Variants in GCN1 observed in about 807,000 individuals in gnomAD.
GCN1 encodes GCN1 activator of EIF2AK4, also known as stalled ribosome sensor GCN1.
Under a neutral mutation model 288.4 loss-of-function variants are expected in GCN1, and 90 were observed. The observed-to-expected ratio is 0.31, with a 90% confidence interval of 0.26 to 0.37. GCN1 has a LOEUF of 0.37. Ranked by LOEUF, GCN1 falls within the 10% of genes least tolerant of loss-of-function variation. GCN1 has a pLI of 1.00. For missense variants in GCN1, 2,586 were observed against 3,419.9 expected (o/e 0.76, Z 6.08); for synonymous variants, 1,386 against 1,420.2 (o/e 0.98, Z 0.54).
chr12:120,141,472 TG>T (rs1398199972), intron 44 of GCN1, among the ~76,000 whole-genome samples: 1 of 152,216 alleles, frequency 6.6e-6, no homozygotes, highest in African/African-American at 2.4e-5. Flanking sequence ...GATGGGGGGT[TG>T]GAAGTAGACC....
At position 120,184,169 on chromosome 12, in the gene GCN1, T is replaced by C; in HGVS notation, c.260A>G (p.Lys87Arg). The change falls in exon 4 of 58, where the codon AAG becomes AGG. Residue 87 changes from lysine to arginine, a missense_variant. Transcript: ENST00000300648. ...AGACTGCAGAGAGTGTAGAAGGTTC[T>C]TAGCAGTGGCTTCTGGCTGGGCCTC... ...LAEAQPEATA[K>R]NLLHSLQSSG... is the part of the protein sequence containing the mutation. 6.2e-7 allele frequency: 1 copy of C among 1,614,000 alleles called. No homozygotes were observed.
Position 120,137,488 on chromosome 12 carries a change from A to G in GCN1, c.6663+57T>C, listed in dbSNP as rs1473767870. 3.8e-6 allele frequency: 6 copies of G among 1,574,470 alleles called. No individual in the cohort carries two copies. The Middle Eastern group carries it at 6.7e-4, about 176-fold the overall frequency. ...GGGATTCTTATAAGTCTATTCCTGT[A>G]AATGTCTGGAATTTTCTAAAAGCAA... On this transcript the variant is annotated intron_variant, in intron 49 of 57. Transcript: ENST00000300648. This position sits in a 1 kb window ranked among gnomAD's most constrained non-coding sequence, Gnocchi z 5.2.
At position 120,156,816 on chromosome 12, in the gene GCN1, G is replaced by T; in HGVS notation, c.3168+96C>A. On this transcript the variant is annotated intron_variant, in intron 27 of 57. Coordinates refer to ENST00000300648, the MANE Select transcript of GCN1 (RefSeq NM_006836.2). The surrounding 1 kb of genome is among the most constrained non-coding windows in gnomAD (Gnocchi z 5.8). ...CTTTCTACCAAAGTCCAAAAGTAAG[G>T]GCTGAAAGGAAACTAGGACTCCACC... 2.0e-6 allele frequency: 2 copies of T among 1,004,762 alleles called. No homozygotes were observed. The highest frequency in any genetic ancestry group is 3.2e-6 in the Non-Finnish European group (2 of 631,156). 62.2% of individuals were successfully genotyped at this position (1,004,762 alleles called of 1,614,324 possible).
At position 120,155,144 on chromosome 12, in the gene GCN1, G is replaced by T; in HGVS notation, c.3630+97C>A. On this transcript the variant is annotated intron_variant, in intron 30 of 57. Coordinates refer to ENST00000300648, the MANE Select transcript of GCN1 (RefSeq NM_006836.2). This position sits in a 1 kb window ranked among gnomAD's most constrained non-coding sequence, Gnocchi z 4.9. ...AGCCGCAGCTACCCTGAGCCACCGTGAGCCCCGAGATTCCTGTCTGGAGCA... is the reference window on the plus strand; with the variant it reads ...AGCCGCAGCTACCCTGAGCCACCGTTAGCCCCGAGATTCCTGTCTGGAGCA... The T allele has an allele frequency of 6.6e-7, 1 of 1,519,122 alleles. No individual in the cohort carries two copies. Among genetic ancestry groups the T allele is most frequent in the African/African-American group, 1.4e-5 (1 of 73,126 alleles). The allele number at this position is 1,519,122 out of a possible 1,614,324, so 94.1% of individuals were successfully genotyped here. A position where few individuals can be genotyped will look rare whatever the true frequency, so the allele number is the denominator to read the frequency against.
chr12:120,128,010 G>T (rs769432022), intron 57 of GCN1, 36 bp from the exon 58 acceptor site: 4 of 1,606,548 alleles, frequency 2.5e-6, no homozygotes, highest in Admixed American at 3.3e-5. Context: ...AACATAGTCA[G>T]AACATACGGC....
intron 15 of GCN1, among the ~76,000 whole-genome samples, 198 bp downstream of exon 15, chr12:120,169,971 G>A (rs1339421416): frequency 5.9e-5 from 9 of 152,152 alleles, no homozygotes; most frequent in African/African-American, 1.2e-4. Context: ...ACAGAATGAA[G>A]GAGGACAGTG....
intron 45 of GCN1, among the ~76,000 whole-genome samples, chr12:120,139,180 C>A (rs2139088787): frequency 6.6e-6 from 1 of 152,030 alleles, no homozygotes; most frequent in East Asian, 1.9e-4. Flanking sequence ...TGTGGTGGTG[C>A]ACACCTGTAA....
rs368315746 is a variant in GCN1 at position 120,178,868 on chromosome 12, G to A, written c.509C>T (p.Thr170Met). Residue 170 changes from threonine (T) to methionine (M), a missense_variant, in exon 6 of 58, where the codon ACG (threonine) becomes ATG (methionine). Physicochemically the swap from Thr to Met is moderately conservative, Grantham distance 81 (BLOSUM62 -1). Transcript: ENST00000300648. The stretch of plus-strand genomic sequence containing the variant: ...TCCTGTCACCTCTTTCCACAGCTTC[G>A]TGAGTTTCTTCACAGCACCATCCAC... ...HAVDGAVKKL[T>M]KLWKENPGLV... The A allele has an allele frequency of 3.5e-5, 57 of 1,613,974 alleles. No homozygotes were observed. Among genetic ancestry groups the A allele is most frequent in the Middle Eastern group, 1.6e-4 (1 of 6,084 alleles).
intron 53 of GCN1, among the ~76,000 whole-genome samples, chr12:120,133,962 C>T (rs1594258532): frequency 6.6e-6 from 1 of 152,094 alleles, no homozygotes; most frequent in African/African-American, 2.4e-5. Flanking sequence ...CCCAGCTACT[C>T]GGGAGACCGA....
In GCN1 at chr12:120,158,364, C is replaced by G. The variant is rs908022488; in HGVS notation, c.2905+96G>C. ...AAATCCTCCATATGGTCCAATCCCC[C>G]AGGCTCAGGAGGCCCTGGGTGACGC... On this transcript the variant is annotated intron_variant, in intron 25 of 57. Transcript: ENST00000300648. This position sits in a 1 kb window ranked among gnomAD's most constrained non-coding sequence, Gnocchi z 4.3. The G allele has an allele frequency of 1.1e-5, 12 of 1,062,684 alleles. No homozygotes were observed. The East Asian group carries it at 3.1e-4, about 28-fold the overall frequency. The allele number at this position is 1,062,684 out of a possible 1,614,324, so 65.8% of individuals were successfully genotyped here.
intron 57 of GCN1, among the ~76,000 whole-genome samples, chr12:120,128,431 G>A (rs1184418363): frequency 6.6e-6 from 1 of 152,012 alleles, no homozygotes; most frequent in Non-Finnish European, 1.5e-5. Flanking sequence ...CGCCTCCCAG[G>A]TTCAAGCGAT....
In GCN1 at chr12:120,148,315, G is replaced by A; in HGVS notation, c.4578C>T (p.Tyr1526=). ...AGGATGACAGCTGCTTAGGAGCACA[G>A]TACGCCATTGCCCCAAGAAGCTCCA... ...GSVELLGAMA[Y]CAPKQLSSCL... The change falls in exon 37 of 58, where the codon TAC becomes TAT. Residue 1526 remains tyrosine (Y), a synonymous_variant. Coordinates refer to ENST00000300648, the MANE Select transcript of GCN1 (RefSeq NM_006836.2). 2 of 1,613,960 alleles carry A rather than the reference G, an allele frequency of 1.2e-6. No individual in the cohort carries two copies. The highest frequency in any genetic ancestry group is 1.7e-6 in the Non-Finnish European group (2 of 1,179,904).
intron 33 of GCN1, 147 bp from the exon 34 acceptor site, chr12:120,151,538 A>C (rs1027662346): frequency 1.4e-6 from 1 of 725,188 alleles, no homozygotes; most frequent in Non-Finnish European, 2.3e-6. Flanking sequence ...AGGGCACCAG[A>C]GAAGCAAACA....
rs753281233 is a variant in GCN1 at position 120,142,567 on chromosome 12, T to C, written c.5769A>G (p.Leu1923=). 167 of 1,613,840 alleles carry C rather than the reference T, an allele frequency of 1.0e-4. No individual in the cohort carries two copies. The highest frequency in any genetic ancestry group is 1.6e-4 in the Middle Eastern group (1 of 6,084). Residue 1923 remains leucine, a synonymous_variant, in exon 44 of 58, where the codon CTA becomes CTG. Coordinates refer to ENST00000300648, the MANE Select transcript of GCN1 (RefSeq NM_006836.2). This position sits in a 1 kb window ranked among gnomAD's most constrained non-coding sequence, Gnocchi z 4.9. ...SNTPRTLREI[L]PTLFGLLLGF... Reference sequence around the variant, plus strand: ...CCAGCAGGAGCCCAAAGAGAGTGGGTAGGATCTCACGCAAGGTGCGGGGGG... The same window carrying C: ...CCAGCAGGAGCCCAAAGAGAGTGGGCAGGATCTCACGCAAGGTGCGGGGGG...
intron 16 of GCN1, among the ~76,000 whole-genome samples, chr12:120,164,941 T>C (rs1878055079): frequency 6.7e-6 from 1 of 148,598 alleles, no homozygotes; most frequent in African/African-American, 2.5e-5. Context: ...ATTTTATATA[T>C]AATATACACA....
At chr12:120,181,088 T>C (rs1266281240) in intron 5 of GCN1, among the ~76,000 whole-genome samples, 1 of 151,882 alleles carries the variant, frequency 6.6e-6, no homozygotes, top group African/African-American at 2.4e-5. Flanking sequence ...AAATGGCATA[T>C]GTACAAGGTT....
Position 120,137,605 on chromosome 12 carries a change from G to C in GCN1, c.6603C>G (p.Phe2201Leu). The change falls in exon 49 of 58, where the codon TTC becomes TTG. Residue 2201 changes from phenylalanine (F) to leucine (L), a missense_variant. By Grantham distance (22) the Phe-to-Leu change is conservative. Around this residue, in one of 8 missense-constraint regions of GCN1, gnomAD observed 437 missense variants for 570.5 expected, o/e 0.77. Transcript: ENST00000300648. The surrounding 1 kb of genome is among the most constrained non-coding windows in gnomAD (Gnocchi z 5.2). Reference protein sequence around the residue: ...RSLVSGLIRLFNDSSPVVLEE... With the variant: ...RSLVSGLIRLLNDSSPVVLEE... ...CCAGAACCACAGGGCTGGAGTCATT[G>C]AAGAGGCGGATCAGGCCCGAGACCA... The C allele has an allele frequency of 6.2e-7, 1 of 1,614,214 alleles. No homozygotes were observed. The highest frequency in any genetic ancestry group is 8.5e-7 in the Non-Finnish European group (1 of 1,180,042).
At chr12:120,150,396 A>G (rs1877502700) in intron 34 of GCN1, among the ~76,000 whole-genome samples, 1 of 151,064 alleles carries the variant, frequency 6.6e-6, no homozygotes, top group African/African-American at 2.4e-5. Flanking sequence ...GGAAATAGAG[A>G]CCATCTTGGC....
Position 120,142,828 on chromosome 12 carries a change from T to C in GCN1, c.5609A>G (p.Asn1870Ser). 2 of 1,610,816 alleles carry C rather than the reference T, an allele frequency of 1.2e-6. No individual in the cohort carries two copies. Among genetic ancestry groups the C allele is most frequent in the Non-Finnish European group, 1.7e-6 (2 of 1,176,966 alleles). Residue 1870 changes from asparagine to serine, a missense_variant, in exon 43 of 58, where the codon AAC (asparagine) becomes AGC (serine). Coordinates refer to ENST00000300648, the MANE Select transcript of GCN1 (RefSeq NM_006836.2). This position sits in a 1 kb window ranked among gnomAD's most constrained non-coding sequence, Gnocchi z 4.9. ...CAGGAAAGCCACTGCAGGCACCTTGTTGGACTGGGCAGTTCCAAAGTTATC... is the reference window on the plus strand; with the variant it reads ...CAGGAAAGCCACTGCAGGCACCTTGCTGGACTGGGCAGTTCCAAAGTTATC... The part of the protein sequence containing the change: ...EDDNFGTAQS[N>S]KAIITALGVE...
Sources: allele counts gnomAD v4.1 joint callset (sites outside exome capture counted in the v4.1 genomes callset), GRCh38; gene constraint gnomAD v4.1.1; regional missense constraint gnomAD v4.1.1; non-coding constraint Gnocchi (gnomAD v3.1); transcripts MANE v1.5; gene names NCBI Gene and HGNC (gene_info 2026-07-23, HGNC 2026-07-21).